The following PPP2R2B variants were observed in gnomAD, a reference collection of about 807,000 sequenced individuals.
The protein encoded by PPP2R2B is protein phosphatase 2 regulatory subunit Bbeta, also known as serine/threonine-protein phosphatase 2A 55 kDa regulatory subunit B beta isoform.
PPP2R2B carries 5 observed loss-of-function variants against 46.0 expected under a neutral mutation model. The ratio of observed to expected loss-of-function variants is 0.11; its 90% CI spans 0.06 to 0.23. The LOEUF (loss-of-function observed/expected upper bound fraction) is 0.23. Among genes scored for constraint, PPP2R2B ranks in the 10% least tolerant of loss-of-function variants. The pLI is 1.00. For synonymous variants in PPP2R2B, 215 were observed against 206.7 expected (o/e 1.04, Z -0.34); for missense variants, 367 against 575.0 (o/e 0.64, Z 3.70).
chr5:146,843,281 T>G (rs759049663), intron 2 of PPP2R2B, among the ~76,000 whole-genome samples: 1 of 152,214 alleles, frequency 6.6e-6, no homozygotes, highest in Non-Finnish European at 1.5e-5. Context: ...TAATGACACT[T>G]TGTGAGTATC....
At chr5:146,992,348 T>A (rs1753731338) in intron 1 of PPP2R2B, among the ~76,000 whole-genome samples, 1 of 152,242 alleles carries the variant, frequency 6.6e-6, no homozygotes, top group Non-Finnish European at 1.5e-5. Context: ...GATATCAGAT[T>A]GTAGTTCTCT....
At chr5:146,876,677 T>A (rs1229838907) in intron 2 of PPP2R2B, among the ~76,000 whole-genome samples, 1 of 152,182 alleles carries the variant, frequency 6.6e-6, no homozygotes, top group Non-Finnish European at 1.5e-5. Context: ...ATCTCTAAGC[T>A]CCTGGAAGCC....
At chr5:146,665,290 C>A (rs543376242) in intron 5 of PPP2R2B, among the ~76,000 whole-genome samples, 1 of 152,322 alleles carries the variant, frequency 6.6e-6, no homozygotes, top group Admixed American at 6.5e-5. Flanking sequence ...CCACCGCCAC[C>A]CATGATCTTA....
At chr5:147,005,349 A>C (rs1275442845) in intron 1 of PPP2R2B, among the ~76,000 whole-genome samples, 1 of 152,252 alleles carries the variant, frequency 6.6e-6, no homozygotes, top group Non-Finnish European at 1.5e-5. Flanking sequence ...ACCAGTGCCC[A>C]GTTAGCAGAA....
In PPP2R2B at chr5:146,795,391, T is replaced by A. The variant is rs150682544; in HGVS notation, c.70+82611A>T. Among the ~76,000 whole-genome samples, 251 of 152,276 alleles carry A rather than the reference T, an allele frequency of 1.6e-3. 1 individual carries two copies. The highest frequency in any genetic ancestry group is 5.6e-3 in the African/African-American group (234 of 41,568). On this transcript the variant is annotated intron_variant, in intron 2 of 9. Coordinates refer to ENST00000394411, the MANE Select transcript of PPP2R2B (RefSeq NM_181675.4). ...GGAAACCCTCCCATTTGTGACCACA[T>A]GGAAGAACCTAATACATTACGCCAA...
intron 7 of PPP2R2B, among the ~76,000 whole-genome samples, chr5:146,603,713 A>G (rs950799890): frequency 6.6e-6 from 1 of 152,238 alleles, no homozygotes; most frequent in East Asian, 1.9e-4. Context: ...GGAAGCTTAT[A>G]ATACTGCAGG....
At chr5:146,740,934 GACTGAGGCAGGAGAATC>G (rs1268072973) in intron 2 of PPP2R2B, among the ~76,000 whole-genome samples, 1 of 151,820 alleles carries the variant, frequency 6.6e-6, no homozygotes, top group Non-Finnish European at 1.5e-5. Context: ...CTACTCAGGA[GACTGAGGCAGGAGAATC>G]ACTTGAACCC....
intron 7 of PPP2R2B, among the ~76,000 whole-genome samples, chr5:146,634,188 G>A (rs1774633281): frequency 6.6e-6 from 1 of 152,142 alleles, no homozygotes; most frequent in Admixed American, 6.5e-5. Context: ...TTGAAGGCCT[G>A]AAGAGAATAA....
chr5:146,928,500 C>T (rs955436314), intron 1 of PPP2R2B, among the ~76,000 whole-genome samples: 136 of 152,148 alleles, frequency 8.9e-4, no homozygotes, highest in African/African-American at 3.2e-3. Flanking sequence ...TCTCTTCATT[C>T]TCTCTCATAC....
intron 1 of PPP2R2B, among the ~76,000 whole-genome samples, chr5:146,902,395 C>T (rs562634566): frequency 6.6e-6 from 1 of 152,272 alleles, no homozygotes; most frequent in South Asian, 2.1e-4. Context: ...TATTACGACT[C>T]ATCTAATATA....
chr5:147,081,076 TC>T lies in PPP2R2B; in HGVS notation c.32del (p.Arg11GlnfsTer44). On this transcript the variant is annotated frameshift_variant, in exon 2 of 11. Transcript: ENST00000394413. LOFTEE classifies it high-confidence loss of function. ...TCTCCTACCTTCTGTGGTTCCAATC[TC>T]GATAGTGCCTTTCACTTGGCTGAAG... 6.5e-7 allele frequency: 1 copy of T among 1,535,530 alleles called. No individual in the cohort carries two copies. Among genetic ancestry groups the T allele is most frequent in the Admixed American group, 2.0e-5 (1 of 50,994 alleles).
intron 7 of PPP2R2B, among the ~76,000 whole-genome samples, chr5:146,623,662 C>T (rs1278158557): frequency 2.0e-5 from 3 of 152,210 alleles, no homozygotes; most frequent in African/African-American, 7.2e-5. Flanking sequence ...GATGCCCATA[C>T]ATGAGATCAA....
chr5:146,745,671 TGTC>T (rs916556856), intron 2 of PPP2R2B, among the ~76,000 whole-genome samples: 5 of 152,090 alleles, frequency 3.3e-5, no homozygotes, highest in Admixed American at 3.3e-4. Flanking sequence ...AATGATAAAT[TGTC>T]GGCCAGGTGT....
chr5:146,618,448 C>T (rs756327394), intron 7 of PPP2R2B, among the ~76,000 whole-genome samples: 1 of 152,192 alleles, frequency 6.6e-6, no homozygotes, highest in East Asian at 1.9e-4. Context: ...GGACGTTAAT[C>T]AATTTGTGTT....
At chr5:147,012,586 C>T (rs1179616651) in intron 1 of PPP2R2B, among the ~76,000 whole-genome samples, 3 of 151,936 alleles carry the variant, frequency 2.0e-5, no homozygotes, top group African/African-American at 7.3e-5. Flanking sequence ...TCCTTCAGTT[C>T]TGCTCTGATC....
intron 5 of PPP2R2B, among the ~76,000 whole-genome samples, chr5:146,681,071 A>C (rs978841770): frequency 2.6e-5 from 4 of 152,172 alleles, no homozygotes; most frequent in Non-Finnish European, 4.4e-5. Context: ...ACATCAATGC[A>C]TCAGTCGAAG....
At chr5:146,799,932 T>C (rs756629572) in intron 2 of PPP2R2B, among the ~76,000 whole-genome samples, 2 of 152,134 alleles carry the variant, frequency 1.3e-5, no homozygotes, top group Non-Finnish European at 2.9e-5. Flanking sequence ...GTCTCCATGG[T>C]ACTTCTCATT....
Position 147,003,306 on chromosome 5 carries a change from A to C in PPP2R2B, c.79+52359T>G, listed in dbSNP as rs567573607. On this transcript the variant is annotated intron_variant, in intron 1 of 8. Coordinates refer to the PPP2R2B transcript ENST00000336640. Reference sequence around the variant, plus strand: ...TAAGCAAAGAAATTTCCAAAGGACCAAAAAAACCCCCGGGCTATAGGTTAT... The same window carrying C: ...TAAGCAAAGAAATTTCCAAAGGACCCAAAAAACCCCCGGGCTATAGGTTAT... Among the ~76,000 whole-genome samples, 3 of 152,122 alleles carry C rather than the reference A, an allele frequency of 2.0e-5. No individual in the cohort carries two copies. The South Asian group carries it at 6.2e-4, about 32-fold the overall frequency.
intron 9 of PPP2R2B, 81 bp from the exon 10 acceptor site, chr5:146,590,307 C>CTTATGACACCATAGGTTTTA: frequency 7.0e-7 from 1 of 1,421,000 alleles, no homozygotes; most frequent in Non-Finnish European, 9.6e-7. Context: ...TTATGGCCAG[C>CTTATGACACCATAGGTTTTA]TTATGACACC....
Sources: gnomAD v4.1 joint callset for allele counts (sites outside exome capture counted in the v4.1 genomes callset) on GRCh38, gnomAD v4.1.1 for gene constraint, MANE v1.5 for transcripts, NCBI Gene and HGNC (gene_info 2026-07-23, HGNC 2026-07-21) for gene names.